MAVS: variants seen among roughly 807,000 people sequenced by gnomAD.
MAVS encodes mitochondrial antiviral-signaling protein.
Under a neutral mutation model 30.2 loss-of-function variants are expected in MAVS, and 20 were observed. The observed-to-expected ratio is 0.66, with a 90% CI of 0.47 to 0.96. The LOEUF is 0.96. Ranked by LOEUF, MAVS falls within the 40% of genes least tolerant of loss-of-function variation. The probability of loss-of-function intolerance (pLI) is 0.00; values close to 1 mark genes in which losing one functional copy is unlikely to be tolerated. For missense variants in MAVS, 624 were observed against 701.1 expected, an observed-to-expected ratio of 0.89 and a Z score of 1.24; for synonymous variants, 278 against 293.9, an observed-to-expected ratio of 0.95 and a Z score of 0.55.
chr20:3,853,154 G>C (rs577364915), intron 1 of MAVS, among the ~76,000 whole-genome samples: 1 of 145,828 alleles, frequency 6.9e-6, no homozygotes, highest in African/African-American at 2.5e-5. Context: ...AGGAATTTTG[G>C]AGAGACTCAG....
intron 1 of MAVS, among the ~76,000 whole-genome samples, chr20:3,848,934 T>C (rs1210516863): frequency 1.3e-5 from 2 of 152,164 alleles, no homozygotes. Context: ...GCCATCTCTG[T>C]GGTTCCCATC....
At position 3,872,498 on chromosome 20, in the gene MAVS, C is replaced by T. The variant is rs968889631; in HGVS notation, c.*6351C>T. 1 of 152,304 alleles carries T rather than the reference C, an allele frequency of 6.6e-6. No individual in the cohort carries two copies. Among genetic ancestry groups the T allele is most frequent in the African/African-American group, 2.4e-5 (1 of 41,428 alleles). The allele number at this position is 152,304 out of a possible 1,614,324, so 9.4% of individuals were successfully genotyped here. ...CTGCCCAGTGTGCCAACATCTGCCA[C>T]CTGCTATAATAGTACTATAACACTC... On this transcript the variant is annotated 3_prime_UTR_variant, in exon 7 of 7. Transcript: ENST00000428216.
At chr20:3,864,158 A>G (rs115779120) in intron 5 of MAVS, 98 bp from the exon 6 acceptor site, 1 of 1,329,450 alleles carries the variant, frequency 7.5e-7, no homozygotes. Flanking sequence ...GCCTAGACAC[A>G]GTAGGGACCA....
At position 3,874,011 on chromosome 20, in the gene MAVS, C is replaced by T; in HGVS notation, c.*7864C>T. 1 of 397,406 alleles carries T rather than the reference C, an allele frequency of 2.5e-6. No individual in the cohort carries two copies. The highest frequency in any genetic ancestry group is 3.6e-5 in the East Asian group (1 of 28,008). The allele number at this position is 397,406 out of a possible 1,614,324, so 24.6% of individuals were successfully genotyped here. On this transcript the variant is annotated 3_prime_UTR_variant, in exon 7 of 7. Coordinates refer to ENST00000428216, the MANE Select transcript of MAVS (RefSeq NM_020746.5). ...CCAAACCTGAAACAACCCAAATGTC[C>T]ATCCACCAACCCAAATGTCCATCCA...
intron 3 of MAVS, among the ~76,000 whole-genome samples, chr20:3,859,856 G>T (rs529576242): frequency 6.6e-6 from 1 of 151,324 alleles, no homozygotes; most frequent in East Asian, 1.9e-4. Flanking sequence ...TCGCTCTGTC[G>T]CCCAGGCTGG....
At position 3,874,090 on chromosome 20, in the gene MAVS, TATGA is replaced by T; in HGVS notation, c.*7949_*7952del. 2.5e-6 allele frequency: 1 copy of T among 398,606 alleles called. No homozygotes were observed. Among genetic ancestry groups the T allele is most frequent in the East Asian group, 3.6e-5 (1 of 28,072 alleles). 24.7% of individuals were successfully genotyped at this position (398,606 alleles called of 1,614,324 possible). On this transcript the variant is annotated 3_prime_UTR_variant, in exon 7 of 7. Coordinates refer to ENST00000428216, the MANE Select transcript of MAVS (RefSeq NM_020746.5). Reference sequence around the variant, plus strand: ...TCGAATACTACTGCACAGCAACGAATATGAATGAAAATATCGCTATGCACAGCAA... The same window carrying T: ...TCGAATACTACTGCACAGCAACGAATATGAAAATATCGCTATGCACAGCAA...
chr20:3,862,198 C>T, intron 4 of MAVS, 56 bp from the exon 5 acceptor site: 4 of 1,578,822 alleles, frequency 2.5e-6, no homozygotes, highest in South Asian at 1.2e-5. Flanking sequence ...CACAAGCTGC[C>T]CTTTGTGAGC....
At chr20:3,847,391 G>C (rs778669476) in intron 1 of MAVS, among the ~76,000 whole-genome samples, 2 of 152,212 alleles carry the variant, frequency 1.3e-5, no homozygotes, top group Non-Finnish European at 2.9e-5. Context: ...TCCGATCCAA[G>C]GCTGTGAGGC....
intron 4 of MAVS, 101 bp from the exon 5 acceptor site, chr20:3,862,153 G>A (rs2089871685): frequency 7.4e-6 from 10 of 1,354,494 alleles, no homozygotes; most frequent in East Asian, 2.4e-5. Context: ...GTGCTCCATG[G>A]TGTGGGCTGA....
At chr20:3,860,509 G>A (rs1194061758) in intron 3 of MAVS, among the ~76,000 whole-genome samples, 1 of 151,740 alleles carries the variant, frequency 6.6e-6, no homozygotes, top group Admixed American at 6.6e-5. Context: ...CGAGTAGCTG[G>A]GATTACAGGC....
chr20:3,847,625 C>T (rs2089720110), intron 1 of MAVS, among the ~76,000 whole-genome samples: 1 of 152,198 alleles, frequency 6.6e-6, no homozygotes, highest in Non-Finnish European at 1.5e-5. Context: ...AGCCAGCGAC[C>T]TGGGACCTGT....
chr20:3,847,479 T>C lies in MAVS; in HGVS notation c.-68+576T>C, dbSNP rs61399504. ...TGGACAGTCAGGTCGGAAACTTTGC[T>C]GTATTGGGAACACTCTGTCACCTAC... On this transcript the variant is annotated intron_variant, in intron 1 of 6. Transcript: ENST00000428216. Among the ~76,000 whole-genome samples, 520 of 152,290 alleles carry C rather than the reference T, an allele frequency of 3.4e-3. 3 individuals carry two copies. Among genetic ancestry groups the C allele is most frequent in the African/African-American group, 0.012 (495 of 41,562 alleles).
In MAVS at chr20:3,864,538, T is replaced by C. The variant is rs201030078; in HGVS notation, c.908T>C (p.Met303Thr). The C allele has an allele frequency of 1.2e-4, 189 of 1,614,036 alleles. No homozygotes were observed. The highest frequency in any genetic ancestry group is 1.5e-4 in the Non-Finnish European group (176 of 1,180,046). Residue 303 changes from methionine to threonine, a missense_variant, in exon 6 of 7, where the codon ATG (methionine) becomes ACG (threonine). Physicochemically the swap from Met to Thr is moderately conservative, Grantham distance 81. Coordinates refer to ENST00000428216, the MANE Select transcript of MAVS (RefSeq NM_020746.5). Reference sequence around the variant, plus strand: ...CCCTCCAAAGTGCCTACCACCTTGATGCCTGTGAACACAGTGGCCCTGAAA... The same window carrying C: ...CCCTCCAAAGTGCCTACCACCTTGACGCCTGTGAACACAGTGGCCCTGAAA... Reference protein sequence around the residue: ...SLPSKVPTTLMPVNTVALKVP... With the variant: ...SLPSKVPTTLTPVNTVALKVP...
chr20:3,854,713 A>C lies in MAVS; in HGVS notation c.89A>C (p.Tyr30Ser). The C allele has an allele frequency of 6.2e-7, 1 of 1,613,756 alleles. No individual in the cohort carries two copies. Among genetic ancestry groups the C allele is most frequent in the Non-Finnish European group, 8.5e-7 (1 of 1,179,794 alleles). Reference protein sequence around the residue: ...CNVDVVEILPYLPCLTARDQD... With the variant: ...CNVDVVEILPSLPCLTARDQD... ...GTGGATGTTGTAGAGATTCTGCCTTACCTGCCCTGCCTCACAGCAAGAGAC... is the reference window on the plus strand; with the variant it reads ...GTGGATGTTGTAGAGATTCTGCCTTCCCTGCCCTGCCTCACAGCAAGAGAC... Residue 30 changes from tyrosine (Y) to serine (S), a missense_variant, in exon 2 of 7, where the codon TAC becomes TCC. Transcript: ENST00000428216.
Position 3,865,985 on chromosome 20 carries a change from G to A in MAVS, c.1461G>A (p.Ala487=), listed in dbSNP as rs767756615. The A allele has an allele frequency of 9.9e-6, 16 of 1,613,024 alleles. No homozygotes were observed. In the African/African-American group the frequency reaches 1.3e-4, roughly 13 times the overall value. ...TGGAGGGCAACCCTGGGCCACCTGC[G>A]GACCCGGATGGCGGCCCCAGGCCAC... ...QLLEGNPGPP[A]DPDGGPRPQA... Residue 487 remains alanine, a synonymous_variant, in exon 7 of 7, where the codon GCG becomes GCA. Coordinates refer to ENST00000428216, the MANE Select transcript of MAVS (RefSeq NM_020746.5). The surrounding 1 kb of genome is among the most constrained non-coding windows in gnomAD (Gnocchi z 4.7).
chr20:3,867,472 T>C lies in MAVS; in HGVS notation c.*1325T>C, dbSNP rs750635986. Reference sequence around the variant, plus strand: ...AATTAGCCAGGCGTGGTGGTGCACCTGTCGTCTTAGCTACTTGGGAGGCTG... The same window carrying C: ...AATTAGCCAGGCGTGGTGGTGCACCCGTCGTCTTAGCTACTTGGGAGGCTG... On this transcript the variant is annotated 3_prime_UTR_variant, in exon 7 of 7. Transcript: ENST00000428216. 8 of 176,120 alleles carry C rather than the reference T, an allele frequency of 4.5e-5. No individual in the cohort carries two copies. In the East Asian group the frequency reaches 6.2e-4, roughly 14 times the overall value. The allele number at this position is 176,120 out of a possible 1,614,324, so 10.9% of individuals were successfully genotyped here. A position where few individuals can be genotyped will look rare whatever the true frequency, so the allele number is the denominator to read the frequency against.
rs1375217439 is a variant in MAVS, at chr20:3,874,451, T to C, written c.*8304T>C. The C allele has an allele frequency of 5.2e-6, 2 of 383,012 alleles. No homozygotes were observed. The highest frequency in any genetic ancestry group is 2.1e-5 in the African/African-American group (1 of 48,368). 23.7% of individuals were successfully genotyped at this position (383,012 alleles called of 1,614,324 possible). ...TTGCAAAGGAGTCAGCCATGATTGC[T>C]TGTATTTGGCAGGGGTCAAAGGCAG... On this transcript the variant is annotated 3_prime_UTR_variant, in exon 7 of 7. Transcript: ENST00000428216.
chr20:3,859,779 T>C (rs2089848633), intron 3 of MAVS, among the ~76,000 whole-genome samples: 4 of 151,122 alleles, frequency 2.6e-5, no homozygotes, highest in Non-Finnish European at 5.9e-5. Context: ...CCATCTGCTC[T>C]CACCCTCCCA....
rs201367137 is a variant in MAVS at position 3,864,283 on chromosome 20, G to A, written c.653G>A (p.Arg218His). The change falls in exon 6 of 7, where the codon CGT (arginine) becomes CAT (histidine). Residue 218 changes from arginine (R) to histidine (H), a missense_variant. Transcript: ENST00000428216. Reference sequence around the variant, plus strand: ...GCGACCTCCAGCCTCACACCATCCCGTGGGCCTGTGTCTCCATCTGTCTCC... The same window carrying A: ...GCGACCTCCAGCCTCACACCATCCCATGGGCCTGTGTCTCCATCTGTCTCC... ...AGATSSLTPSRGPVSPSVSFQ... is the reference protein window; with the variant it reads ...AGATSSLTPSHGPVSPSVSFQ... The A allele has an allele frequency of 7.8e-5, 126 of 1,611,696 alleles. No homozygotes were observed. The highest frequency in any genetic ancestry group is 1.8e-4 in the Admixed American group (11 of 59,690).
Sources: gnomAD v4.1 joint callset for allele counts (sites outside exome capture counted in the v4.1 genomes callset) on GRCh38, gnomAD v4.1.1 for gene constraint, Gnocchi (gnomAD v3.1) non-coding constraint, MANE v1.5 for transcripts, NCBI Gene and HGNC (gene_info 2026-07-23, HGNC 2026-07-21) for gene names.